ARFIP1: variants seen among roughly 807,000 people sequenced by gnomAD.
ARFIP1 encodes arfaptin-1.
ARFIP1 carries 24 observed loss-of-function variants against 42.5 expected under a neutral mutation model. The observed-to-expected ratio is 0.57, with a 90% CI of 0.41 to 0.80. ARFIP1 has a LOEUF of 0.80. Ranked by LOEUF, ARFIP1 falls within the 30% of genes least tolerant of loss-of-function variation. The pLI is 0.00. For missense variants in ARFIP1, 354 were observed against 434.0 expected (o/e 0.82, Z 1.64); for synonymous variants, 141 against 153.7 (o/e 0.92, Z 0.61).
At chr4:152,837,136 T>G (rs1205480000) in intron 2 of ARFIP1, among the ~76,000 whole-genome samples, 1 of 152,206 alleles carries the variant, frequency 6.6e-6, no homozygotes, top group Admixed American at 6.5e-5. Context: ...TGTGTAATAT[T>G]GCATCATATA....
chr4:152,794,173 A>AC (rs1315803756), intron 1 of ARFIP1, among the ~76,000 whole-genome samples: 4 of 151,580 alleles, frequency 2.6e-5, no homozygotes. Flanking sequence ...ATTATTGATT[A>AC]AACTATAGCT....
intron 1 of ARFIP1, among the ~76,000 whole-genome samples, chr4:152,782,061 T>G (rs1369703774): frequency 6.6e-6 from 1 of 152,132 alleles, no homozygotes; most frequent in Non-Finnish European, 1.5e-5. Context: ...TGTGTATGTG[T>G]GTGTGTGTTT....
At chr4:152,873,627 C>T (rs533371280) in intron 5 of ARFIP1, among the ~76,000 whole-genome samples, 5 of 152,302 alleles carry the variant, frequency 3.3e-5, no homozygotes, top group South Asian at 2.1e-4. Context: ...GCCAGTCAGT[C>T]GTTAAGTCCT....
At chr4:152,874,307 T>C (rs1328347121) in intron 5 of ARFIP1, among the ~76,000 whole-genome samples, 1 of 152,240 alleles carries the variant, frequency 6.6e-6, no homozygotes, top group African/African-American at 2.4e-5. Flanking sequence ...TATGGTATAG[T>C]ACTATGTGAA....
intron 2 of ARFIP1, among the ~76,000 whole-genome samples, chr4:152,837,403 A>T (rs1295661870): frequency 6.6e-6 from 1 of 152,050 alleles, no homozygotes; most frequent in African/African-American, 2.4e-5. Context: ...GCAGTGGAGA[A>T]GTGTTTCCTG....
intron 7 of ARFIP1, among the ~76,000 whole-genome samples, chr4:152,886,434 C>G (rs1193842934): frequency 6.6e-6 from 1 of 151,990 alleles, no homozygotes; most frequent in East Asian, 1.9e-4. Flanking sequence ...CAGATTCTGA[C>G]ATACCGAATT....
chr4:152,868,564 T>C (rs969698468), intron 3 of ARFIP1, among the ~76,000 whole-genome samples: 9 of 152,178 alleles, frequency 5.9e-5, no homozygotes, highest in Admixed American at 2.0e-4. Context: ...TCATTTGCTA[T>C]TTTACTTTGA....
At chr4:152,844,305 A>G (rs913434945) in intron 2 of ARFIP1, among the ~76,000 whole-genome samples, 18 of 152,186 alleles carry the variant, frequency 1.2e-4, no homozygotes, top group African/African-American at 3.6e-4. Flanking sequence ...CGCTTCCTTC[A>G]GAGGGTCTGT....
At chr4:152,786,700 C>T (rs2149813241) in intron 1 of ARFIP1, among the ~76,000 whole-genome samples, 2 of 152,314 alleles carry the variant, frequency 1.3e-5, no homozygotes, top group Middle Eastern at 6.8e-3. Context: ...CTTTCCATTG[C>T]TTCTAGGATC....
Position 152,881,068 on chromosome 4 carries a change from G to A in ARFIP1, c.517G>A (p.Glu173Lys). Residue 173 changes from glutamate to lysine, a missense_variant, in exon 6 of 9, where the codon GAA (glutamate) becomes AAA (lysine). Physicochemically the swap from Glu to Lys is moderately conservative, Grantham distance 56. Coordinates refer to ENST00000353617, the MANE Select transcript of ARFIP1 (RefSeq NM_001025595.3). ...DILRDNKKKY[E>K]NILKLAQTLS... ...ATTAAGGGATAACAAGAAAAAATAT[G>A]AAAATATTTTAAAACTGGCTCAAAC... 1 of 1,613,570 alleles carries A rather than the reference G, an allele frequency of 6.2e-7. No individual in the cohort carries two copies. The highest frequency in any genetic ancestry group is 8.5e-7 in the Non-Finnish European group (1 of 1,179,586).
intron 2 of ARFIP1, among the ~76,000 whole-genome samples, chr4:152,846,955 T>C (rs908250576): frequency 2.0e-5 from 3 of 151,934 alleles, no homozygotes; most frequent in South Asian, 2.1e-4. Context: ...GTGTTTCTCA[T>C]TGCAGATATT....
intron 8 of ARFIP1, among the ~76,000 whole-genome samples, chr4:152,901,583 A>G (rs1021752368): frequency 4.6e-5 from 7 of 152,156 alleles, no homozygotes; most frequent in Non-Finnish European, 7.3e-5. Flanking sequence ...AATTGCTGTA[A>G]TTGTTTCTGA....
chr4:152,852,318 A>G lies in ARFIP1; in HGVS notation c.94-11288A>G, dbSNP rs1346740248. On this transcript the variant is annotated intron_variant, in intron 2 of 8. Coordinates refer to ENST00000353617, the MANE Select transcript of ARFIP1 (RefSeq NM_001025595.3). ...GTTGCTAAGCTAGGCACAGACTTAT[A>G]TAACTGATACACTTAAAAAATTTAA... Among the ~76,000 whole-genome samples, 3 of 152,228 alleles carry G rather than the reference A, an allele frequency of 2.0e-5. No individual in the cohort carries two copies. The South Asian group carries it at 6.2e-4, about 31-fold the overall frequency.
At chr4:152,799,754 G>T (rs906285627) in intron 1 of ARFIP1, among the ~76,000 whole-genome samples, 1 of 152,170 alleles carries the variant, frequency 6.6e-6, no homozygotes, top group African/African-American at 2.4e-5. Context: ...GATGATCAGA[G>T]GAAGATTGTG....
intron 1 of ARFIP1, among the ~76,000 whole-genome samples, chr4:152,806,055 C>A (rs1728972707): frequency 6.6e-6 from 1 of 152,186 alleles, no homozygotes; most frequent in Non-Finnish European, 1.5e-5. Flanking sequence ...CCAGTTATGC[C>A]TGTATTGCTA....
At chr4:152,815,736 T>C (rs1234311998) in intron 1 of ARFIP1, among the ~76,000 whole-genome samples, 2 of 142,610 alleles carry the variant, frequency 1.4e-5, no homozygotes, top group Non-Finnish European at 3.0e-5. Context: ...ATCTGACCAC[T>C]TCTTTTTTTT....
intron 4 of ARFIP1, among the ~76,000 whole-genome samples, 153 bp from the exon 5 acceptor site, chr4:152,872,299 C>T (rs944796717): frequency 1.3e-5 from 2 of 151,540 alleles, no homozygotes; most frequent in East Asian, 1.9e-4. Context: ...CTATCCTCAG[C>T]GATTCCAGGA....
At chr4:152,855,686 G>A (rs554722966) in intron 2 of ARFIP1, among the ~76,000 whole-genome samples, 33 of 152,336 alleles carry the variant, frequency 2.2e-4, no homozygotes, top group African/African-American at 7.5e-4. Context: ...GGGACCCAGA[G>A]TGAGCTTCCT....
chr4:152,885,154 A>G (rs913900034), intron 7 of ARFIP1, among the ~76,000 whole-genome samples: 3 of 152,088 alleles, frequency 2.0e-5, no homozygotes, highest in Non-Finnish European at 2.9e-5. Flanking sequence ...GATGGATAAT[A>G]GTCAAAAAGA....
Sources: allele counts gnomAD v4.1 joint callset (sites outside exome capture counted in the v4.1 genomes callset), GRCh38; gene constraint gnomAD v4.1.1; transcripts MANE v1.5; gene names NCBI Gene and HGNC (gene_info 2026-07-23, HGNC 2026-07-21).